The following LMNB1 variants were observed in gnomAD, a reference collection of about 807,000 sequenced individuals.
The protein encoded by LMNB1 is lamin-B1.
Under a neutral mutation model 67.1 loss-of-function variants are expected in LMNB1, and 23 were observed. The observed-to-expected ratio is 0.34, with a 90% CI of 0.25 to 0.49. The LOEUF is 0.49. LMNB1 is among the 20% of genes least tolerant of loss of function. The pLI is 0.99. For synonymous variants in LMNB1, 281 were observed against 282.9 expected (o/e 0.99, Z 0.07); for missense variants, 634 against 746.5 (o/e 0.85, Z 1.76).
intron 5 of LMNB1, among the ~76,000 whole-genome samples, chr5:126,812,562 G>A (rs1751603904): frequency 6.6e-6 from 1 of 152,096 alleles, no homozygotes; most frequent in Non-Finnish European, 1.5e-5. Context: ...TGATGTCAGT[G>A]TGGACACAAA....
chr5:126,813,411 TC>T (rs1162943729), intron 5 of LMNB1, among the ~76,000 whole-genome samples: 4 of 152,242 alleles, frequency 2.6e-5, no homozygotes, highest in African/African-American at 9.6e-5. Flanking sequence ...GTTTCTCTAC[TC>T]CTTCCCAGTT....
chr5:126,821,194 C>G lies in LMNB1; in HGVS notation c.1386+59C>G, dbSNP rs372322663. The G allele has an allele frequency of 1.9e-5, 21 of 1,114,900 alleles. No individual in the cohort carries two copies. In the East Asian group the frequency reaches 4.2e-4, roughly 23 times the overall value. The allele number at this position is 1,114,900 out of a possible 1,614,324, so 69.1% of individuals were successfully genotyped here. On this transcript the variant is annotated intron_variant, in intron 7 of 10. Transcript: ENST00000261366. ...CTTTGTGGATTGCTAGATTCTCTTG[C>G]AATTGTCATAGCTCCTTAGTTTTTG...
intron 1 of LMNB1, among the ~76,000 whole-genome samples, chr5:126,781,627 G>T (rs1750635726): frequency 6.6e-6 from 1 of 151,976 alleles, no homozygotes; most frequent in South Asian, 2.1e-4. Flanking sequence ...GTAGAGACGG[G>T]GTTTCACCGT....
At chr5:126,790,017 T>C (rs538149675) in intron 1 of LMNB1, among the ~76,000 whole-genome samples, 1 of 152,034 alleles carries the variant, frequency 6.6e-6, no homozygotes, top group South Asian at 2.1e-4. Context: ...CATGTTAGGC[T>C]GGTCTTGAAC....
rs894113536 is a variant in LMNB1 at position 126,801,932 on chromosome 5, A to G, written c.360-2844A>G. On this transcript the variant is annotated intron_variant, in intron 1 of 10. Coordinates refer to ENST00000261366, the MANE Select transcript of LMNB1 (RefSeq NM_005573.4). ...TTAAAATATGGTTTTATTTTCAGTCATATGTCTTATGACATGTATCCTAGC... is the reference window on the plus strand; with the variant it reads ...TTAAAATATGGTTTTATTTTCAGTCGTATGTCTTATGACATGTATCCTAGC... Among the ~76,000 whole-genome samples, 7 of 152,226 alleles carry G rather than the reference A, an allele frequency of 4.6e-5. No individual in the cohort carries two copies. In the South Asian group the frequency reaches 6.2e-4, roughly 13 times the overall value.
At chr5:126,802,224 C>A (rs1751301994) in intron 1 of LMNB1, among the ~76,000 whole-genome samples, 1 of 152,136 alleles carries the variant, frequency 6.6e-6, no homozygotes, top group Non-Finnish European at 1.5e-5. Flanking sequence ...ACTATTAAAT[C>A]TTTTCATATG....
At chr5:126,827,550 A>T (rs1274247533) in intron 9 of LMNB1, among the ~76,000 whole-genome samples, 1 of 152,172 alleles carries the variant, frequency 6.6e-6, no homozygotes, top group Non-Finnish European at 1.5e-5. Context: ...AGTCCAGGCT[A>T]CTCAGGAAGC....
intron 1 of LMNB1, among the ~76,000 whole-genome samples, chr5:126,792,504 A>T (rs1310153407): frequency 1.3e-5 from 2 of 149,866 alleles, no homozygotes; most frequent in African/African-American, 2.5e-5. Flanking sequence ...TTGCTAAGTT[A>T]ATTTCTTTTT....
At chr5:126,829,731 C>G (rs1230562991) in intron 9 of LMNB1, among the ~76,000 whole-genome samples, 1 of 152,048 alleles carries the variant, frequency 6.6e-6, no homozygotes, top group Non-Finnish European at 1.5e-5. Context: ...TAGGGTGGGT[C>G]ACGTGCCCAC....
chr5:126,817,479 C>T (rs1751740053), intron 5 of LMNB1, among the ~76,000 whole-genome samples: 1 of 152,062 alleles, frequency 6.6e-6, no homozygotes, highest in African/African-American at 2.4e-5. Context: ...TGTGTATGCA[C>T]ATATTTATAA....
rs567311844 is a variant in LMNB1, at chr5:126,785,094, C to T, written c.359+7227C>T. 5.0e-4 allele frequency among the ~76,000 whole-genome samples: 76 copies of T among 151,812 alleles called. 1 individual carries two copies. The highest frequency in any genetic ancestry group is 1.8e-3 in the African/African-American group (74 of 41,366). On this transcript the variant is annotated intron_variant, in intron 1 of 10. Coordinates refer to ENST00000261366, the MANE Select transcript of LMNB1 (RefSeq NM_005573.4). ...TCCCGGGTTCAAGTGATTCTGCCGC[C>T]TCAGCCTCCCAAATATCTGGGATTA... is the stretch of plus-strand genomic sequence containing the variant.
intron 1 of LMNB1, among the ~76,000 whole-genome samples, chr5:126,789,961 CTG>C (rs1316402079): frequency 6.6e-6 from 1 of 152,094 alleles, no homozygotes; most frequent in Non-Finnish European, 1.5e-5. Flanking sequence ...GCGTGAGCCA[CTG>C]TGCCCGGCCT....
At position 126,793,879 on chromosome 5, in the gene LMNB1, A is replaced by AAAAGAAAGAAAG. The variant is rs200364620; in HGVS notation, c.360-10881_360-10870dup. On this transcript the variant is annotated intron_variant, in intron 1 of 10. Transcript: ENST00000261366. ...CAACAAGAGTGAAACTCCATCTCCA[A>AAAAGAAAGAAAG]AAAGAAAGAAAGAAAGAAAGAAAGA... is the stretch of plus-strand genomic sequence containing the variant. 8.4e-3 allele frequency among the ~76,000 whole-genome samples: 1,283 copies of AAAAGAAAGAAAG among 151,846 alleles called. 6 individuals carry two copies. Among genetic ancestry groups the AAAAGAAAGAAAG allele is most frequent in the Middle Eastern group, 0.024 (7 of 292 alleles).
At chr5:126,788,645 T>G (rs997643256) in intron 1 of LMNB1, among the ~76,000 whole-genome samples, 4 of 152,096 alleles carry the variant, frequency 2.6e-5, no homozygotes, top group Non-Finnish European at 5.9e-5. Flanking sequence ...AGAGGGACAC[T>G]TCGTCCTAAA....
chr5:126,811,081 G>A (rs555111307), intron 4 of LMNB1, among the ~76,000 whole-genome samples: 1 of 152,298 alleles, frequency 6.6e-6, no homozygotes, highest in African/African-American at 2.4e-5. Context: ...TTTATCTATT[G>A]TATGAAGTAG....
rs528566907 is a variant in LMNB1, at chr5:126,801,221, G to T, written c.360-3555G>T. ...GCTAGTCTCCCTTCCAAAGTGCTGG[G>T]ATTATAGACGTGAGCCACCGCACTT... On this transcript the variant is annotated intron_variant, in intron 1 of 10. Transcript: ENST00000261366. Among the ~76,000 whole-genome samples, 6 of 151,688 alleles carry T rather than the reference G, an allele frequency of 4.0e-5. No individual in the cohort carries two copies. The East Asian group carries it at 1.2e-3, about 29-fold the overall frequency.
At chr5:126,800,982 A>ATATATAATTTTTTTTTTTTT in intron 1 of LMNB1, among the ~76,000 whole-genome samples, 2 of 18,630 alleles carry the variant, frequency 1.1e-4, no homozygotes, top group Middle Eastern at 0.05. Flanking sequence ...TATATATATA[A>ATATATAATTTTTTTTTTTTT]TTTTTTTTTT....
chr5:126,800,975 A>AATTTTTTTT (rs1561742516), intron 1 of LMNB1, among the ~76,000 whole-genome samples: 2 of 38,512 alleles, frequency 5.2e-5, no homozygotes, highest in African/African-American at 1.4e-4. Context: ...ATATATATAT[A>AATTTTTTTT]TATATAATTT....
intron 9 of LMNB1, among the ~76,000 whole-genome samples, chr5:126,826,717 T>C (rs960044779): frequency 6.6e-5 from 10 of 152,172 alleles, no homozygotes; most frequent in African/African-American, 1.9e-4. Context: ...TACTTCCTAA[T>C]AAAGCGGCTA....
Sources: allele counts gnomAD v4.1 joint callset (sites outside exome capture counted in the v4.1 genomes callset), GRCh38; gene constraint gnomAD v4.1.1; transcripts MANE v1.5; gene names NCBI Gene and HGNC (gene_info 2026-07-23, HGNC 2026-07-21).